CENPL: variants seen among roughly 807,000 people sequenced by gnomAD.
CENPL encodes the protein centromere protein L.
Under a neutral mutation model 35.2 loss-of-function variants are expected in CENPL, and 20 were observed. That is an observed-to-expected ratio of 0.57 (90% CI 0.40 to 0.83). CENPL has a LOEUF of 0.83. Ranked by LOEUF, CENPL falls within the 40% of genes least tolerant of loss-of-function variation. CENPL has a pLI of 0.00. For missense variants in CENPL, 363 were observed against 395.8 expected, an observed-to-expected ratio of 0.92 and a Z score of 0.70; for synonymous variants, 140 against 140.6, an observed-to-expected ratio of 1.00 and a Z score of 0.03.
At chr1:173,806,737 G>T (rs888378034) in intron 4 of CENPL, among the ~76,000 whole-genome samples, 1 of 152,006 alleles carries the variant, frequency 6.6e-6, no homozygotes, top group African/African-American at 2.4e-5. Flanking sequence ...TGCCCAGGAT[G>T]GTCTCAAACT....
At chr1:173,816,436 C>T (rs1409252025) in intron 2 of CENPL, among the ~76,000 whole-genome samples, 1 of 152,184 alleles carries the variant, frequency 6.6e-6, no homozygotes, top group Non-Finnish European at 1.5e-5. Context: ...TTAAACTATA[C>T]TACAAGGCCA....
chr1:173,808,314 G>A (rs1217877856), intron 3 of CENPL, among the ~76,000 whole-genome samples: 1 of 151,924 alleles, frequency 6.6e-6, no homozygotes, highest in Non-Finnish European at 1.5e-5. Context: ...GGAGGCTGAG[G>A]CAGGAAAATT....
At chr1:173,816,550 C>T (rs780132012) in intron 2 of CENPL, among the ~76,000 whole-genome samples, 30 of 152,194 alleles carry the variant, frequency 2.0e-4, no homozygotes, top group Non-Finnish European at 4.1e-4. Context: ...ACCATCTGAT[C>T]TTTGACAAAC....
At chr1:173,804,518 C>G (rs7515721) in intron 4 of CENPL, among the ~76,000 whole-genome samples, 61,700 of 152,086 alleles carry the variant, frequency 0.41, 15,542 homozygotes, top group African/African-American at 0.72. Context: ...AAAAAGGTCT[C>G]ATTGCAAGAC....
At chr1:173,822,661 TTCA>T (rs1048936587) in intron 2 of CENPL, 3 of 152,204 alleles carry the variant, frequency 2.0e-5, no homozygotes, top group Non-Finnish European at 4.4e-5. Flanking sequence ...TAAAAAAACT[TTCA>T]TCATCTTTTA....
intron 2 of CENPL, among the ~76,000 whole-genome samples, chr1:173,817,765 C>G (rs1651548022): frequency 6.6e-6 from 1 of 152,064 alleles, no homozygotes; most frequent in Non-Finnish European, 1.5e-5. Flanking sequence ...CAAATGTCCA[C>G]AATGATAGAC....
chr1:173,803,565 C>T, intron 4 of CENPL, 60 bp from the exon 5 acceptor site: 1 of 1,443,174 alleles, frequency 6.9e-7, no homozygotes, highest in Non-Finnish European at 9.3e-7. Context: ...TAAATTCCAT[C>T]TTCTCAAAAT....
chr1:173,820,956 T>C (rs755390594), intron 2 of CENPL, among the ~76,000 whole-genome samples: 4 of 152,196 alleles, frequency 2.6e-5, no homozygotes, highest in Admixed American at 6.5e-5. Flanking sequence ...GTGATGGAAC[T>C]GTATCTTGAC....
chr1:173,821,367 G>A (rs1431238217), intron 2 of CENPL, among the ~76,000 whole-genome samples: 2 of 152,120 alleles, frequency 1.3e-5, no homozygotes, highest in East Asian at 1.9e-4. Context: ...CTTCTTTCAC[G>A]TTGCCTTTTA....
intron 2 of CENPL, among the ~76,000 whole-genome samples, chr1:173,820,074 AGT>A (rs972653000): frequency 2.6e-5 from 4 of 152,056 alleles, no homozygotes; most frequent in African/African-American, 7.2e-5. Context: ...TGGGATCAAA[AGT>A]GTTTTTGAAT....
At chr1:173,814,870 T>C (rs1031919897) in intron 2 of CENPL, among the ~76,000 whole-genome samples, 2 of 151,846 alleles carry the variant, frequency 1.3e-5, no homozygotes, top group Non-Finnish European at 2.9e-5. Flanking sequence ...ACAAAAAAAC[T>C]CTTCAAAAAA....
At chr1:173,806,406 C>T (rs557728480) in intron 4 of CENPL, 58 of 435,742 alleles carry the variant, frequency 1.3e-4, no homozygotes, top group Non-Finnish European at 2.3e-4. Flanking sequence ...GGCAACATGG[C>T]GAGACCCTGT....
chr1:173,811,614 T>C (rs905129572), intron 2 of CENPL, among the ~76,000 whole-genome samples: 1 of 152,256 alleles, frequency 6.6e-6, no homozygotes, highest in Non-Finnish European at 1.5e-5. Flanking sequence ...TAAATTCATG[T>C]AGTCCCCCAC....
At chr1:173,817,562 G>A (rs571660721) in intron 2 of CENPL, among the ~76,000 whole-genome samples, 1 of 152,352 alleles carries the variant, frequency 6.6e-6, no homozygotes, top group East Asian at 1.9e-4. Flanking sequence ...TGGTGGGAGT[G>A]TAAACTAGTT....
intron 2 of CENPL, among the ~76,000 whole-genome samples, chr1:173,814,286 T>C (rs1316754564): frequency 6.6e-6 from 1 of 151,732 alleles, no homozygotes; most frequent in Non-Finnish European, 1.5e-5. Flanking sequence ...AGACAGAAGG[T>C]TAACAAGGAT....
intron 2 of CENPL, among the ~76,000 whole-genome samples, chr1:173,816,060 T>A (rs1651345241): frequency 6.6e-6 from 1 of 152,026 alleles, no homozygotes; most frequent in Non-Finnish European, 1.5e-5. Context: ...GAGAGCAAAA[T>A]CATGAGTGAA....
In CENPL at chr1:173,803,192, C is replaced by A. The variant is rs41265234; in HGVS notation, c.734G>T (p.Cys245Phe). The A allele has an allele frequency of 2.5e-6, 4 of 1,613,612 alleles. No homozygotes were observed. Among genetic ancestry groups the A allele is most frequent in the Non-Finnish European group, 3.4e-6 (4 of 1,179,634 alleles). The change falls in exon 5 of 6, where the codon TGT becomes TTT. Residue 245 changes from cysteine to phenylalanine, a missense_variant. Cys to Phe is a radical substitution (Grantham distance 205). Coordinates refer to ENST00000682279, the MANE Select transcript of CENPL (RefSeq NM_001387287.1). The part of the protein sequence containing the change: ...ATTEFLWSVP[C>F]SPQSLDISFA... Reference sequence around the variant, plus strand: ...AGAAATGTCCAGACTTTGAGGGCTACAGGGTACAGACCAAAGAAATTCAGT... The same window carrying A: ...AGAAATGTCCAGACTTTGAGGGCTAAAGGGTACAGACCAAAGAAATTCAGT...
intron 2 of CENPL, among the ~76,000 whole-genome samples, chr1:173,821,299 T>G (rs974096008): frequency 6.6e-6 from 1 of 152,032 alleles, no homozygotes; most frequent in Non-Finnish European, 1.5e-5. Context: ...CAAGTTAGAG[T>G]GGAAGAGTCA....
intron 4 of CENPL, among the ~76,000 whole-genome samples, chr1:173,803,905 C>G (rs1557844430): frequency 6.6e-6 from 1 of 152,156 alleles, no homozygotes. Context: ...CCTCTGACCT[C>G]AGGTGATCTG....
Sources: allele counts gnomAD v4.1 joint callset (sites outside exome capture counted in the v4.1 genomes callset), GRCh38; gene constraint gnomAD v4.1.1; transcripts MANE v1.5; gene names NCBI Gene and HGNC (gene_info 2026-07-23, HGNC 2026-07-21).